Variants in CDKAL1 observed in about 807,000 individuals in gnomAD.
CDKAL1 encodes the protein threonylcarbamoyladenosine tRNA methylthiotransferase.
Under a neutral mutation model 68.2 loss-of-function variants are expected in CDKAL1, and 32 were observed. The ratio of observed to expected loss-of-function variants is 0.47; its 90% CI spans 0.35 to 0.63. CDKAL1 has a LOEUF of 0.63. Among genes scored for constraint, CDKAL1 ranks in the 30% least tolerant of loss-of-function variants. CDKAL1 has a pLI of 0.00. For synonymous variants in CDKAL1, 234 were observed against 244.3 expected, an observed-to-expected ratio of 0.96 and a Z score of 0.39; for missense variants, 606 against 696.7, an observed-to-expected ratio of 0.87 and a Z score of 1.47.
intron 12 of CDKAL1, among the ~76,000 whole-genome samples, chr6:21,067,479 G>A (rs142809280): frequency 0.014 from 2,195 of 152,186 alleles, 54 homozygotes; most frequent in African/African-American, 0.05. Flanking sequence ...GGGCGTGGTG[G>A]TGGGCGCCTG....
intron 5 of CDKAL1, among the ~76,000 whole-genome samples, chr6:20,677,704 C>T (rs1299368922): frequency 2.6e-5 from 4 of 152,134 alleles, no homozygotes; most frequent in Admixed American, 2.6e-4. Context: ...GTGTGAGCCC[C>T]CATGCATGGC....
At chr6:21,092,734 T>TAAAAA (rs34756370) in intron 12 of CDKAL1, among the ~76,000 whole-genome samples, 169 of 133,428 alleles carry the variant, frequency 1.3e-3, no homozygotes, top group Non-Finnish European at 2.3e-3. Flanking sequence ...GACGAAAACT[T>TAAAAA]AAAAAAAAAA....
intron 15 of CDKAL1, among the ~76,000 whole-genome samples, chr6:21,210,993 T>C (rs1779127963): frequency 6.6e-6 from 1 of 152,204 alleles, no homozygotes; most frequent in Admixed American, 6.5e-5. Flanking sequence ...GTCTCACATA[T>C]ATCACATCTG....
At chr6:20,766,015 G>A (rs564089672) in intron 7 of CDKAL1, among the ~76,000 whole-genome samples, 3 of 152,304 alleles carry the variant, frequency 2.0e-5, no homozygotes, top group Admixed American at 1.3e-4. Context: ...CATTTATCAA[G>A]TATTTTTAGC....
At chr6:20,577,251 G>T (rs1221109196) in intron 4 of CDKAL1, among the ~76,000 whole-genome samples, 1 of 152,220 alleles carries the variant, frequency 6.6e-6, no homozygotes, top group Non-Finnish European at 1.5e-5. Context: ...AAAGGATTAA[G>T]AGAATAAGGA....
chr6:20,869,407 G>A (rs970588288), intron 9 of CDKAL1, among the ~76,000 whole-genome samples: 4 of 152,170 alleles, frequency 2.6e-5, no homozygotes, highest in Non-Finnish European at 4.4e-5. Context: ...AGAGTAAATA[G>A]TAAACCACAT....
intron 8 of CDKAL1, among the ~76,000 whole-genome samples, chr6:20,819,569 AC>A (rs146047592): frequency 0.077 from 11,768 of 152,244 alleles, 749 homozygotes; most frequent in East Asian, 0.33. Flanking sequence ...AATAAAATTA[AC>A]CAACTAGATG....
chr6:20,723,204 C>T (rs1772470224), intron 5 of CDKAL1, among the ~76,000 whole-genome samples: 1 of 152,222 alleles, frequency 6.6e-6, no homozygotes, highest in African/African-American at 2.4e-5. Flanking sequence ...GTAACACCCA[C>T]TCTGGGGCTT....
At chr6:21,127,277 T>A (rs552864566) in intron 13 of CDKAL1, among the ~76,000 whole-genome samples, 2 of 152,304 alleles carry the variant, frequency 1.3e-5, no homozygotes, top group South Asian at 4.2e-4. Context: ...TTCACAATAA[T>A]GCAAGTTATC....
At chr6:20,846,242 T>C (rs1778370803) in intron 9 of CDKAL1, 64 bp downstream of exon 9, 1 of 990,732 alleles carries the variant, frequency 1.0e-6, no homozygotes, top group Non-Finnish European at 1.5e-6. Flanking sequence ...GCCTTCTAAG[T>C]AATACTTCAG....
intron 4 of CDKAL1, among the ~76,000 whole-genome samples, chr6:20,621,721 C>T (rs1283988050): frequency 6.7e-6 from 1 of 150,194 alleles, no homozygotes; most frequent in Non-Finnish European, 1.5e-5. Flanking sequence ...GGGAGATGAC[C>T]CTGTCAGTCA....
chr6:20,790,241 T>G (rs935940874), intron 8 of CDKAL1, among the ~76,000 whole-genome samples: 2 of 152,210 alleles, frequency 1.3e-5, no homozygotes, highest in African/African-American at 2.4e-5. Flanking sequence ...GCTCACATTG[T>G]ATGACGGATT....
intron 8 of CDKAL1, among the ~76,000 whole-genome samples, chr6:20,815,952 A>G (rs1777025604): frequency 6.6e-6 from 1 of 152,164 alleles, no homozygotes; most frequent in African/African-American, 2.4e-5. Flanking sequence ...GAAACCCGAA[A>G]TCAAGGTGTA....
chr6:21,167,825 A>C (rs1230000851), intron 13 of CDKAL1, among the ~76,000 whole-genome samples: 1 of 152,258 alleles, frequency 6.6e-6, no homozygotes, highest in South Asian at 2.1e-4. Flanking sequence ...TCAAGGAGAC[A>C]CAAGGCACTG....
At chr6:21,206,319 C>A (rs1286536606) in intron 15 of CDKAL1, among the ~76,000 whole-genome samples, 2 of 152,152 alleles carry the variant, frequency 1.3e-5, no homozygotes, top group Non-Finnish European at 2.9e-5. Flanking sequence ...TAATTATCTT[C>A]TCTGTGGGTT....
intron 5 of CDKAL1, among the ~76,000 whole-genome samples, chr6:20,697,305 C>T (rs1270421024): frequency 6.6e-6 from 1 of 152,090 alleles, no homozygotes; most frequent in Non-Finnish European, 1.5e-5. Flanking sequence ...AAAATAATGG[C>T]TTCTTAAAGT....
In CDKAL1 at chr6:20,756,730, G is replaced by A. The variant is rs1581518483; in HGVS notation, c.469-1865G>A. On this transcript the variant is annotated intron_variant, in intron 6 of 15. Transcript: ENST00000274695. Reference sequence around the variant, plus strand: ...TGGTCAGACGTAGAATGGAGTTCAGGTCTGCTCTCACAAGCCTTTCCTCAT... The same window carrying A: ...TGGTCAGACGTAGAATGGAGTTCAGATCTGCTCTCACAAGCCTTTCCTCAT... 2.0e-5 allele frequency: 3 copies of A among 152,166 alleles called. No individual in the cohort carries two copies. In the East Asian group the frequency reaches 5.8e-4, roughly 29 times the overall value. 9.4% of individuals were successfully genotyped at this position (152,166 alleles called of 1,614,324 possible).
chr6:20,658,351 G>A (rs1157572067), intron 5 of CDKAL1, among the ~76,000 whole-genome samples: 1 of 152,148 alleles, frequency 6.6e-6, no homozygotes, highest in Non-Finnish European at 1.5e-5. Flanking sequence ...AGAAATAAAT[G>A]GTAATGTCGA....
At chr6:20,847,864 G>A (rs1181695792) in intron 9 of CDKAL1, among the ~76,000 whole-genome samples, 8 of 152,228 alleles carry the variant, frequency 5.3e-5, no homozygotes, top group African/African-American at 1.9e-4. Flanking sequence ...AACAAAAGCA[G>A]AGATTTATTG....
Sources: allele counts gnomAD v4.1 joint callset (sites outside exome capture counted in the v4.1 genomes callset), GRCh38; gene constraint gnomAD v4.1.1; transcripts MANE v1.5; gene names NCBI Gene and HGNC (gene_info 2026-07-23, HGNC 2026-07-21).